Variants in ASAP2 observed in about 807,000 individuals in gnomAD.
The protein encoded by ASAP2 is ArfGAP with SH3 domain, ankyrin repeat and PH domain 2, also known as arf-GAP with SH3 domain, ANK repeat and PH domain-containing protein 2.
ASAP2 carries 45 observed loss-of-function variants against 131.4 expected under a neutral mutation model. The observed-to-expected ratio is 0.34, with a 90% CI of 0.27 to 0.44. ASAP2 has a LOEUF of 0.44. ASAP2 is among the 20% of genes least tolerant of loss of function. ASAP2 has a pLI of 1.00. For missense variants in ASAP2, 1,011 were observed against 1,297.0 expected (o/e 0.78, Z 3.39); for synonymous variants, 510 against 503.0 (o/e 1.01, Z -0.19).
chr2:9,373,241 C>T (rs1374781172), intron 16 of ASAP2, among the ~76,000 whole-genome samples: 2 of 151,464 alleles, frequency 1.3e-5, no homozygotes, highest in Non-Finnish European at 2.9e-5. Flanking sequence ...ACAAGTTCAC[C>T]AGGTGCCCCT....
In ASAP2 at chr2:9,271,012, C is replaced by CTA. The variant is rs542043851; in HGVS notation, c.127-8304_127-8303insAT. 6.7e-3 allele frequency among the ~76,000 whole-genome samples: 1,022 copies of CTA among 151,814 alleles called. 5 individuals are homozygous for CTA. The highest frequency in any genetic ancestry group is 0.011 in the Non-Finnish European group (732 of 67,900). On this transcript the variant is annotated intron_variant, in intron 1 of 27. Coordinates refer to ENST00000281419, the MANE Select transcript of ASAP2 (RefSeq NM_003887.3). ...GTTTCACCGTGTTAGCCAGGATAGT[C>CTA]TCGATCTCGTGACCTCGTGATCCAC...
intron 3 of ASAP2, among the ~76,000 whole-genome samples, chr2:9,301,917 A>G (rs1021191625): frequency 7.2e-6 from 1 of 138,006 alleles, no homozygotes; most frequent in Non-Finnish European, 1.5e-5. Flanking sequence ...TCTGCCTCCC[A>G]GGTTCATGCC....
chr2:9,219,914 A>G (rs1182089178), intron 1 of ASAP2, among the ~76,000 whole-genome samples: 2 of 152,104 alleles, frequency 1.3e-5, no homozygotes, highest in East Asian at 3.9e-4. Flanking sequence ...TTCTGTCTCT[A>G]TGGATTTGCC....
At chr2:9,270,599 T>C (rs1386399771) in intron 1 of ASAP2, among the ~76,000 whole-genome samples, 4 of 151,986 alleles carry the variant, frequency 2.6e-5, no homozygotes, top group African/African-American at 9.7e-5. Flanking sequence ...CTCTTAGTTA[T>C]TTTTAAATGT....
intron 3 of ASAP2, among the ~76,000 whole-genome samples, chr2:9,303,659 G>A (rs1668638019): frequency 6.6e-6 from 1 of 152,218 alleles, no homozygotes; most frequent in Admixed American, 6.5e-5. Flanking sequence ...GCTAAGCTAT[G>A]TTCTATACTC....
chr2:9,370,684 G>T (rs1437174838), intron 16 of ASAP2, among the ~76,000 whole-genome samples: 1 of 152,188 alleles, frequency 6.6e-6, no homozygotes, highest in Non-Finnish European at 1.5e-5. Flanking sequence ...TTTAGTGCCT[G>T]GTTGACATTA....
chr2:9,243,160 G>C lies in ASAP2; in HGVS notation c.126+35930G>C, dbSNP rs562709492. ...GTCTTGCTCTGTCGCCCAGGCTGGA[G>C]TGCAGTGGCACAACCTCAGCTCACT... On this transcript the variant is annotated intron_variant, in intron 1 of 27. Transcript: ENST00000281419. Among the ~76,000 whole-genome samples, 3 of 152,296 alleles carry C rather than the reference G, an allele frequency of 2.0e-5. No homozygotes were observed. The South Asian group carries it at 6.2e-4, about 32-fold the overall frequency.
intron 6 of ASAP2, among the ~76,000 whole-genome samples, chr2:9,325,017 T>G (rs1366133615): frequency 1.3e-5 from 2 of 152,218 alleles, no homozygotes; most frequent in East Asian, 1.9e-4. Flanking sequence ...CGCCTTGTTT[T>G]TCATTGAGAG....
chr2:9,394,366 G>A (rs945961625), intron 24 of ASAP2, among the ~76,000 whole-genome samples: 20 of 152,010 alleles, frequency 1.3e-4, no homozygotes, highest in African/African-American at 4.3e-4. Context: ...AGGTTTCGCC[G>A]TGTTAGCCAG....
At chr2:9,395,594 CTTTT>C in intron 24 of ASAP2, among the ~76,000 whole-genome samples, 82 of 59,040 alleles carry the variant, frequency 1.4e-3, no homozygotes, top group South Asian at 4.2e-3. Flanking sequence ...TGTTTTTTTT[CTTTT>C]TTTTTTTTTT....
intron 3 of ASAP2, among the ~76,000 whole-genome samples, chr2:9,308,066 T>C (rs1020281108): frequency 6.6e-6 from 1 of 152,240 alleles, no homozygotes; most frequent in African/African-American, 2.4e-5. Flanking sequence ...TAGATGATTG[T>C]ATTAGTCTGT....
At position 9,252,909 on chromosome 2, in the gene ASAP2, C is replaced by T. The variant is rs1664823662; in HGVS notation, c.127-26408C>T. On this transcript the variant is annotated intron_variant, in intron 1 of 27. Coordinates refer to ENST00000281419, the MANE Select transcript of ASAP2 (RefSeq NM_003887.3). The stretch of plus-strand genomic sequence containing the variant: ...CCAGCCTCGCGACAAAGCGAGACTC[C>T]GTCTCAAAAAAAAAAAAAAAAAGAA... Among the ~76,000 whole-genome samples the T allele has an allele frequency of 2.5e-5, 3 of 121,258 alleles. 1 individual carries two copies. The highest frequency in any genetic ancestry group is 5.4e-4 in the South Asian group (2 of 3,698). The allele number at this position is 121,258 out of a possible 152,430, so 79.5% of individuals were successfully genotyped here. A position where few individuals can be genotyped will look rare whatever the true frequency, so the allele number is the denominator to read the frequency against.
intron 1 of ASAP2, among the ~76,000 whole-genome samples, chr2:9,273,751 G>C (rs1352093712): frequency 5.9e-5 from 9 of 152,220 alleles, no homozygotes; most frequent in Non-Finnish European, 1.2e-4. Flanking sequence ...ATTGATCTGG[G>C]TGGTGTCAGC....
At position 9,405,096 on chromosome 2, in the gene ASAP2, C is replaced by T. The variant is rs931366301; in HGVS notation, c.*1769C>T. The T allele has an allele frequency of 6.6e-6, 1 of 152,414 alleles. No individual in the cohort carries two copies. Among genetic ancestry groups the T allele is most frequent in the African/African-American group, 2.4e-5 (1 of 41,424 alleles). 9.4% of individuals were successfully genotyped at this position (152,414 alleles called of 1,614,324 possible). ...AAGGAATAAAGTTGATTCATATCAA[C>T]ATTAGAACTCCAGTCCCAAACTAAT... On this transcript the variant is annotated 3_prime_UTR_variant, in exon 28 of 28. Transcript: ENST00000281419.
Position 9,329,610 on chromosome 2 carries a change from G to A in ASAP2, c.686+1699G>A, listed in dbSNP as rs114520054. ...GGAACCAAACAGGACAAGGGTGGAT[G>A]TGGGCAATTGCTTGTGTACACAGCT... On this transcript the variant is annotated intron_variant, in intron 7 of 27. Coordinates refer to ENST00000281419, the MANE Select transcript of ASAP2 (RefSeq NM_003887.3). 6.0e-3 allele frequency among the ~76,000 whole-genome samples: 907 copies of A among 152,338 alleles called. 12 individuals carry two copies. The highest frequency in any genetic ancestry group is 0.021 in the African/African-American group (859 of 41,570).
intron 1 of ASAP2, among the ~76,000 whole-genome samples, chr2:9,247,344 G>A (rs563897697): frequency 1.3e-5 from 2 of 152,194 alleles, no homozygotes; most frequent in Non-Finnish European, 2.9e-5. Flanking sequence ...CTCCCAGTCC[G>A]CAGATGCCTA....
intron 1 of ASAP2, among the ~76,000 whole-genome samples, chr2:9,221,192 A>C (rs971250608): frequency 6.6e-6 from 1 of 152,168 alleles, no homozygotes; most frequent in Non-Finnish European, 1.5e-5. Context: ...TCCTGCAAAA[A>C]AGCCAGCTGA....
At chr2:9,247,845 G>A (rs151259904) in intron 1 of ASAP2, among the ~76,000 whole-genome samples, 16 of 152,284 alleles carry the variant, frequency 1.1e-4, no homozygotes, top group African/African-American at 3.9e-4. Flanking sequence ...GCTAAACTCA[G>A]CTGATCCAGG....
At chr2:9,327,044 G>A (rs1372223638) in intron 6 of ASAP2, among the ~76,000 whole-genome samples, 6 of 152,206 alleles carry the variant, frequency 3.9e-5, no homozygotes, top group African/African-American at 1.4e-4. Context: ...AGGACAATTT[G>A]TAGCTTACAG....
Sources: gnomAD v4.1 joint callset for allele counts (sites outside exome capture counted in the v4.1 genomes callset) on GRCh38, gnomAD v4.1.1 for gene constraint, MANE v1.5 for transcripts, NCBI Gene and HGNC (gene_info 2026-07-23, HGNC 2026-07-21) for gene names.